Variants in CTNNA2 observed in about 807,000 individuals in gnomAD.
The protein encoded by CTNNA2 is catenin alpha-2.
In CTNNA2, 42 loss-of-function variants were observed where a neutral mutation model predicts 101.0. The observed-to-expected ratio is 0.42, with a 90% CI of 0.32 to 0.54. The LOEUF (loss-of-function observed/expected upper bound fraction) is 0.54. Ranked by LOEUF, CTNNA2 falls within the 20% of genes least tolerant of loss-of-function variation. The pLI, the probability that CTNNA2 is intolerant of heterozygous loss-of-function variation, is 0.14. For missense variants in CTNNA2, 871 were observed against 1,223.1 expected, an observed-to-expected ratio of 0.71 and a Z score of 4.29; for synonymous variants, 450 against 456.4, an observed-to-expected ratio of 0.99 and a Z score of 0.18.
chr2:79,498,787 T>C (rs1283535873), intron 4 of CTNNA2: 2 of 152,202 alleles, frequency 1.3e-5, no homozygotes, highest in Non-Finnish European at 2.9e-5. Flanking sequence ...GGTCTCCTAT[T>C]ATCCTGAATT....
intron 1 of CTNNA2, among the ~76,000 whole-genome samples, chr2:79,612,257 A>G: frequency 6.6e-6 from 1 of 152,192 alleles, no homozygotes; most frequent in Non-Finnish European, 1.5e-5. Flanking sequence ...TATCAGACAG[A>G]TGTATAAGGT....
chr2:80,367,564 T>C (rs1373539), intron 7 of CTNNA2, among the ~76,000 whole-genome samples: 19,741 of 152,110 alleles, frequency 0.13, 2,663 homozygotes, highest in African/African-American at 0.34. Context: ...AGCTACCCTA[T>C]GACCAATATC....
Position 80,054,766 on chromosome 2 carries a change from A to G in CTNNA2, c.1056+144969A>G, listed in dbSNP as rs531749746. Among the ~76,000 whole-genome samples the G allele has an allele frequency of 7.2e-5, 11 of 152,272 alleles. 1 individual carries two copies. The South Asian group carries it at 2.1e-3, about 29-fold the overall frequency. ...TCTTCTGTTGCCAGGGTTGAGGTAT[A>G]CTGGTAGCAGAAGAGATTACCTGTT... On this transcript the variant is annotated intron_variant, in intron 7 of 18. Coordinates refer to ENST00000402739, the MANE Select transcript of CTNNA2 (RefSeq NM_001282597.3).
chr2:79,490,761 G>A (rs927242453), intron 4 of CTNNA2, among the ~76,000 whole-genome samples: 45 of 152,228 alleles, frequency 3.0e-4, no homozygotes, highest in African/African-American at 1.1e-3. Context: ...TTATTCAAAG[G>A]CTTTTATTTT....
chr2:79,570,615 A>G (rs1675405756), intron 1 of CTNNA2, among the ~76,000 whole-genome samples: 3 of 152,178 alleles, frequency 2.0e-5, no homozygotes. Context: ...ATAAAGAGGA[A>G]AAAAGATGAG....
chr2:79,401,687 T>A (rs1678291554), intron 4 of CTNNA2, among the ~76,000 whole-genome samples: 1 of 149,932 alleles, frequency 6.7e-6, no homozygotes. Context: ...AATGATAAAA[T>A]CGAAAAACTA....
chr2:80,258,599 C>T (rs1672355422), intron 7 of CTNNA2, among the ~76,000 whole-genome samples: 1 of 152,122 alleles, frequency 6.6e-6, no homozygotes, highest in South Asian at 2.1e-4. Flanking sequence ...CAGACCATCT[C>T]CCTGTTTCCA....
intron 3 of CTNNA2, among the ~76,000 whole-genome samples, chr2:79,747,473 A>G (rs1208068952): frequency 6.6e-6 from 1 of 152,216 alleles, no homozygotes; most frequent in Non-Finnish European, 1.5e-5. Context: ...TAGCAAAGGT[A>G]TTCATAGTAG....
chr2:79,666,290 A>C (rs1242323137), intron 2 of CTNNA2, among the ~76,000 whole-genome samples: 1 of 152,204 alleles, frequency 6.6e-6, no homozygotes, highest in African/African-American at 2.4e-5. Context: ...AATTGTAGAA[A>C]ATGATTTCTT....
Position 79,502,131 on chromosome 2 carries a change from T to A in CTNNA2, c.-134-2923T>A, listed in dbSNP as rs545723611. Among the ~76,000 whole-genome samples, 8 of 152,224 alleles carry A rather than the reference T, an allele frequency of 5.3e-5. No homozygotes were observed. The South Asian group carries it at 1.7e-3, about 32-fold the overall frequency. On this transcript the variant is annotated intron_variant, in intron 4 of 21. Transcript: ENST00000466387. ...AAACACCTGGGGCACAAGTATACAATCTTACCCAGGGAAATGTGACTTAAA... is the reference window on the plus strand; with the variant it reads ...AAACACCTGGGGCACAAGTATACAAACTTACCCAGGGAAATGTGACTTAAA...
rs1335661428 is a variant in CTNNA2, at chr2:79,988,466, A to ATGTGTATGTGTG, written c.1056+78674_1056+78675insATGTGTGTGTGT. 8.7e-5 allele frequency among the ~76,000 whole-genome samples: 13 copies of ATGTGTATGTGTG among 149,130 alleles called. 1 individual carries two copies. The East Asian group carries it at 2.6e-3, about 30-fold the overall frequency. On this transcript the variant is annotated intron_variant, in intron 7 of 18. Transcript: ENST00000402739. ...GCTCTTCTATATGAAGTGTATGTGT[A>ATGTGTATGTGTG]TGTGTGTGTGTGTGTGTGTGTGTGT...
intron 4 of CTNNA2, among the ~76,000 whole-genome samples, chr2:79,504,072 G>T (rs910723606): frequency 6.6e-6 from 1 of 152,168 alleles, no homozygotes; most frequent in African/African-American, 2.4e-5. Flanking sequence ...CAGCAATGAA[G>T]ATTTGGCTCA....
intron 3 of CTNNA2, among the ~76,000 whole-genome samples, chr2:79,850,143 C>T (rs1444613841): frequency 6.6e-6 from 1 of 151,768 alleles, no homozygotes; most frequent in Non-Finnish European, 1.5e-5. Context: ...GGTCCTTGTT[C>T]CTTCCCTTCC....
chr2:80,224,839 C>CTTTTTT, intron 7 of CTNNA2, among the ~76,000 whole-genome samples: 1 of 151,370 alleles, frequency 6.6e-6, no homozygotes, highest in African/African-American at 2.4e-5. Flanking sequence ...AATTATACAG[C>CTTTTTT]TTTTTTTTTC....
intron 3 of CTNNA2, among the ~76,000 whole-genome samples, chr2:79,789,969 T>C (rs1558931322): frequency 6.6e-6 from 1 of 152,126 alleles, no homozygotes; most frequent in Non-Finnish European, 1.5e-5. Context: ...ATTAATCTTC[T>C]GGGAGAGAGT....
At chr2:79,888,374 C>T (rs540849795) in intron 6 of CTNNA2, among the ~76,000 whole-genome samples, 1 of 152,282 alleles carries the variant, frequency 6.6e-6, no homozygotes, top group Non-Finnish European at 1.5e-5. Flanking sequence ...GTTATTGACA[C>T]CTCTTGTATA....
At chr2:79,700,870 A>AT (rs950648672) in intron 2 of CTNNA2, among the ~76,000 whole-genome samples, 12 of 152,284 alleles carry the variant, frequency 7.9e-5, no homozygotes, top group African/African-American at 2.9e-4. Context: ...ATCTAACAGC[A>AT]TACACTACAT....
At chr2:79,919,787 C>T (rs931930540) in intron 7 of CTNNA2, among the ~76,000 whole-genome samples, 1 of 152,174 alleles carries the variant, frequency 6.6e-6, no homozygotes, top group Admixed American at 6.5e-5. Flanking sequence ...TTGCTGGGGC[C>T]CCTCCTTGCT....
intron 7 of CTNNA2, among the ~76,000 whole-genome samples, chr2:79,955,179 C>G (rs564150542): frequency 6.6e-5 from 10 of 152,148 alleles, no homozygotes; most frequent in Non-Finnish European, 1.2e-4. Context: ...ATCTGCAGCA[C>G]CATATGTTTA....
Sources: gnomAD v4.1 joint callset for allele counts (sites outside exome capture counted in the v4.1 genomes callset) on GRCh38, gnomAD v4.1.1 for gene constraint, MANE v1.5 for transcripts, NCBI Gene and HGNC (gene_info 2026-07-23, HGNC 2026-07-21) for gene names.